PTPN14: variants seen among roughly 807,000 people sequenced by gnomAD.
The protein encoded by PTPN14 is tyrosine-protein phosphatase non-receptor type 14.
In PTPN14, 53 loss-of-function variants were observed where a neutral mutation model predicts 126.8. The observed-to-expected ratio is 0.42, with a 90% CI of 0.34 to 0.53. The LOEUF is 0.53. PTPN14 is among the 20% of genes least tolerant of loss of function. PTPN14 has a pLI of 0.08. For synonymous variants in PTPN14, 630 were observed against 599.3 expected, an observed-to-expected ratio of 1.05 and a Z score of -0.75; for missense variants, 1,257 against 1,552.9, an observed-to-expected ratio of 0.81 and a Z score of 3.20.
intron 1 of PTPN14, among the ~76,000 whole-genome samples, chr1:214,520,065 A>AAAAAAAAAAAAATATAT: frequency 1.4e-5 from 1 of 71,140 alleles, no homozygotes; most frequent in Non-Finnish European, 2.4e-5. Flanking sequence ...AAAAAAAAAA[A>AAAAAAAAAAAAATATAT]ATATATATAT....
At chr1:214,390,221 G>A (rs183080113) in intron 11 of PTPN14, among the ~76,000 whole-genome samples, 2 of 152,158 alleles carry the variant, frequency 1.3e-5, no homozygotes, top group African/African-American at 4.8e-5. Context: ...TAAAAGAATT[G>A]TGAGTTAAAA....
intron 5 of PTPN14, 33 bp from the exon 6 acceptor site, chr1:214,402,986 A>AG (rs772099281): frequency 2.5e-6 from 4 of 1,602,568 alleles, no homozygotes; most frequent in East Asian, 2.2e-5. Flanking sequence ...AGGTCACATG[A>AG]GGGTGTGGGC....
At chr1:214,516,470 T>C (rs1438771741) in intron 1 of PTPN14, among the ~76,000 whole-genome samples, 1 of 152,222 alleles carries the variant, frequency 6.6e-6, no homozygotes, top group Non-Finnish European at 1.5e-5. Context: ...TGGGCTGATA[T>C]GACATCTGCC....
chr1:214,510,904 G>T (rs141964055), intron 1 of PTPN14, among the ~76,000 whole-genome samples: 1 of 151,892 alleles, frequency 6.6e-6, no homozygotes, highest in East Asian at 1.9e-4. Flanking sequence ...AAGAGATGAG[G>T]TCTTGCTCTG....
At chr1:214,411,545 A>C in intron 5 of PTPN14, 139 bp downstream of exon 5, 1 of 547,570 alleles carries the variant, frequency 1.8e-6, no homozygotes, top group Non-Finnish European at 3.2e-6. Context: ...GTGTTTTATA[A>C]AACTTGCCCC....
chr1:214,548,620 G>C (rs1447190844), intron 1 of PTPN14, among the ~76,000 whole-genome samples: 1 of 152,072 alleles, frequency 6.6e-6, no homozygotes. Flanking sequence ...TGAAATCCTT[G>C]TTCAAAAATG....
chr1:214,522,946 A>T lies in PTPN14; in HGVS notation c.-155+28237T>A, dbSNP rs540080446. Among the ~76,000 whole-genome samples the T allele has an allele frequency of 7.2e-5, 11 of 152,326 alleles. No individual in the cohort carries two copies. The East Asian group carries it at 2.1e-3, about 29-fold the overall frequency. ...GAAGGCAGTCACTCGGCCTATTCAGAAGCAGGGAAACACTAAATCGAGATC... is the reference window on the plus strand; with the variant it reads ...GAAGGCAGTCACTCGGCCTATTCAGTAGCAGGGAAACACTAAATCGAGATC... On this transcript the variant is annotated intron_variant, in intron 1 of 18. Coordinates refer to ENST00000366956, the MANE Select transcript of PTPN14 (RefSeq NM_005401.5).
chr1:214,428,406 A>C (rs1333474601), intron 3 of PTPN14, among the ~76,000 whole-genome samples: 2 of 152,226 alleles, frequency 1.3e-5, no homozygotes, highest in Non-Finnish European at 2.9e-5. Context: ...ATAACCACAT[A>C]ATCTTTCATT....
rs1418667385 is a variant in PTPN14 at position 214,383,614 on chromosome 1, C to T, written c.2241G>A (p.Lys747=). The T allele has an allele frequency of 1.2e-6, 2 of 1,613,292 alleles. No homozygotes were observed. Among genetic ancestry groups the T allele is most frequent in the African/African-American group, 2.7e-5 (2 of 74,940 alleles). ...TTGGACCGGGGTACTCAGGCGGGGG[C>T]TTGTTGGGGATGCGGGCCAGGGCCG... ...LQAALARIPN[K]PPPEYPGPRK... The change falls in exon 13 of 19, where the codon AAG becomes AAA. Residue 747 remains lysine, a synonymous_variant. Coordinates refer to ENST00000366956, the MANE Select transcript of PTPN14 (RefSeq NM_005401.5). This position sits in a 1 kb window ranked among gnomAD's most constrained non-coding sequence, Gnocchi z 4.4.
chr1:214,521,064 T>A (rs539152176), intron 1 of PTPN14, among the ~76,000 whole-genome samples: 8 of 152,154 alleles, frequency 5.3e-5, no homozygotes, highest in Non-Finnish European at 1.0e-4. Context: ...TTTTCCTAAG[T>A]AGAAAATGAA....
intron 11 of PTPN14, among the ~76,000 whole-genome samples, chr1:214,389,292 T>C (rs1449640887): frequency 6.6e-6 from 1 of 152,256 alleles, no homozygotes; most frequent in Non-Finnish European, 1.5e-5. Context: ...AGCAGACTTA[T>C]GCCAGTTCAC....
chr1:214,483,722 C>G (rs1260685265), intron 1 of PTPN14, among the ~76,000 whole-genome samples: 2 of 152,172 alleles, frequency 1.3e-5, no homozygotes, highest in Non-Finnish European at 2.9e-5. Context: ...TATAAATAAT[C>G]CTACCTTTCT....
At chr1:214,525,716 G>C (rs1230972599) in intron 1 of PTPN14, among the ~76,000 whole-genome samples, 1 of 152,130 alleles carries the variant, frequency 6.6e-6, no homozygotes, top group East Asian at 1.9e-4. Context: ...AGTCAACAAA[G>C]ACAAAGAAAC....
At chr1:214,519,746 T>C (rs1335990050) in intron 1 of PTPN14, among the ~76,000 whole-genome samples, 5 of 152,096 alleles carry the variant, frequency 3.3e-5, no homozygotes, top group Non-Finnish European at 2.9e-5. Context: ...ATGAAATCTT[T>C]TATTCAAAAT....
chr1:214,439,154 G>A (rs1024405991), intron 3 of PTPN14, among the ~76,000 whole-genome samples: 11 of 151,760 alleles, frequency 7.2e-5, no homozygotes, highest in Non-Finnish European at 1.5e-4. Flanking sequence ...AAAAATACTA[G>A]TTCTTTGCTG....
chr1:214,409,955 G>A (rs932046043), intron 5 of PTPN14, among the ~76,000 whole-genome samples: 18 of 152,238 alleles, frequency 1.2e-4, no homozygotes, highest in East Asian at 3.9e-4. Context: ...TATTTCTTTT[G>A]AGAAATGTCT....
chr1:214,481,255 C>T (rs1011123851), intron 1 of PTPN14, among the ~76,000 whole-genome samples: 1 of 152,002 alleles, frequency 6.6e-6, no homozygotes, highest in African/African-American at 2.4e-5. Flanking sequence ...CCTATAATCC[C>T]CAGCACTTTG....
chr1:214,478,422 G>T (rs1660912060), intron 1 of PTPN14, among the ~76,000 whole-genome samples: 1 of 152,092 alleles, frequency 6.6e-6, no homozygotes, highest in African/African-American at 2.4e-5. Context: ...GTATGTTTAG[G>T]TTTATATGAG....
chr1:214,506,381 G>A (rs772279691), intron 1 of PTPN14, among the ~76,000 whole-genome samples: 13 of 151,880 alleles, frequency 8.6e-5, no homozygotes, highest in Non-Finnish European at 1.9e-4. Context: ...CTGGGTGTTG[G>A]TGGCATGTGC....
Sources: gnomAD v4.1 joint callset for allele counts (sites outside exome capture counted in the v4.1 genomes callset) on GRCh38, gnomAD v4.1.1 for gene constraint, Gnocchi (gnomAD v3.1) non-coding constraint, MANE v1.5 for transcripts, NCBI Gene and HGNC (gene_info 2026-07-23, HGNC 2026-07-21) for gene names.